PTPN21: variants seen among roughly 807,000 people sequenced by gnomAD.
The protein encoded by PTPN21 is tyrosine-protein phosphatase non-receptor type 21.
Under a neutral mutation model 131.8 loss-of-function variants are expected in PTPN21, and 77 were observed. The observed-to-expected ratio is 0.58, with a 90% CI of 0.49 to 0.71. PTPN21 has a LOEUF of 0.71. Among genes scored for constraint, PTPN21 ranks in the 30% least tolerant of loss-of-function variants. PTPN21 has a pLI of 0.00. For synonymous variants in PTPN21, 715 were observed against 621.3 expected (o/e 1.15, Z -2.24); for missense variants, 1,552 against 1,527.1 (o/e 1.02, Z -0.27).
At chr14:88,549,104 A>C (rs926478337) in intron 2 of PTPN21, among the ~76,000 whole-genome samples, 3 of 152,212 alleles carry the variant, frequency 2.0e-5, no homozygotes, top group Non-Finnish European at 2.9e-5. Context: ...TCTGGCCTGT[A>C]AGAATATAGT....
intron 2 of PTPN21, among the ~76,000 whole-genome samples, chr14:88,549,043 A>G (rs529040264): frequency 6.6e-6 from 1 of 152,352 alleles, no homozygotes; most frequent in African/African-American, 2.4e-5. Context: ...GCAGATGGTG[A>G]GGAAACTAGA....
chr14:88,539,245 G>A (rs960831096), intron 2 of PTPN21, among the ~76,000 whole-genome samples: 2 of 144,284 alleles, frequency 1.4e-5, no homozygotes, highest in Non-Finnish European at 3.0e-5. Context: ...CACCACGCCC[G>A]GTTAATTTTT....
At chr14:88,486,833 G>C (rs1034134044) in intron 10 of PTPN21, among the ~76,000 whole-genome samples, 1 of 151,960 alleles carries the variant, frequency 6.6e-6, no homozygotes, top group African/African-American at 2.4e-5. Context: ...AAAACTAGCT[G>C]GGCATGGTGG....
chr14:88,501,444 A>G (rs2078005958), intron 6 of PTPN21, 76 bp from the exon 7 acceptor site: 7 of 1,224,278 alleles, frequency 5.7e-6, no homozygotes, highest in South Asian at 2.5e-5. Context: ...CTTAAAACCT[A>G]TATGTCAATT....
At chr14:88,547,591 T>C (rs967848391) in intron 2 of PTPN21, 2 of 446,776 alleles carry the variant, frequency 4.5e-6, no homozygotes, top group African/African-American at 2.0e-5. Context: ...TGTTTGAGGA[T>C]GCATTGAGCT....
chr14:88,541,443 C>T (rs2078704202), intron 2 of PTPN21, among the ~76,000 whole-genome samples: 1 of 152,196 alleles, frequency 6.6e-6, no homozygotes, highest in Non-Finnish European at 1.5e-5. Context: ...AAGTGTGTAT[C>T]TGACAAGAAG....
At chr14:88,515,162 G>C (rs2078248139) in intron 3 of PTPN21, 1 of 152,184 alleles carries the variant, frequency 6.6e-6, no homozygotes, top group South Asian at 2.1e-4. Context: ...CTGCAAGGCT[G>C]ACTTCTGAAC....
At chr14:88,533,719 C>CA (rs993469858) in intron 2 of PTPN21, among the ~76,000 whole-genome samples, 14 of 151,780 alleles carry the variant, frequency 9.2e-5, no homozygotes, top group Admixed American at 6.6e-4. Flanking sequence ...CCCATCACAA[C>CA]AAAAAATACA....
chr14:88,548,505 C>T (rs2078814954), intron 2 of PTPN21, among the ~76,000 whole-genome samples: 1 of 152,174 alleles, frequency 6.6e-6, no homozygotes, highest in Non-Finnish European at 1.5e-5. Context: ...TTTGCTGCAC[C>T]TCCCTCTGGC....
chr14:88,541,824 T>C (rs1166350496), intron 2 of PTPN21, among the ~76,000 whole-genome samples: 1 of 152,226 alleles, frequency 6.6e-6, no homozygotes, highest in African/African-American at 2.4e-5. Context: ...TTCACAAATA[T>C]TCCATCCTTC....
At chr14:88,527,487 C>T (rs2078496350) in intron 2 of PTPN21, among the ~76,000 whole-genome samples, 1 of 152,036 alleles carries the variant, frequency 6.6e-6, no homozygotes, top group Admixed American at 6.6e-5. Flanking sequence ...GTCTTTAGCC[C>T]ATGTTTTGAT....
chr14:88,513,914 A>G (rs1002369224), intron 3 of PTPN21: 1 of 152,226 alleles, frequency 6.6e-6, no homozygotes, highest in Non-Finnish European at 1.5e-5. Context: ...TAACAGTTTT[A>G]GTCTGGATGC....
At chr14:88,539,988 G>A (rs1219703572) in intron 2 of PTPN21, among the ~76,000 whole-genome samples, 1 of 152,132 alleles carries the variant, frequency 6.6e-6, no homozygotes, top group African/African-American at 2.4e-5. Context: ...CAAAATACAA[G>A]GGACTGAGAA....
chr14:88,477,770 G>A (rs1376100120), intron 13 of PTPN21, among the ~76,000 whole-genome samples: 1 of 152,110 alleles, frequency 6.6e-6, no homozygotes, highest in Non-Finnish European at 1.5e-5. Flanking sequence ...CATGAGGAGT[G>A]GAGATGTGGG....
chr14:88,524,138 C>T (rs1332930926), intron 2 of PTPN21, among the ~76,000 whole-genome samples: 3 of 152,276 alleles, frequency 2.0e-5, no homozygotes, highest in African/African-American at 7.2e-5. Flanking sequence ...CTCAAATTCA[C>T]ATGGGCCTGC....
intron 2 of PTPN21, among the ~76,000 whole-genome samples, chr14:88,543,745 T>C (rs1230524469): frequency 1.3e-5 from 2 of 152,150 alleles, no homozygotes; most frequent in South Asian, 2.1e-4. Context: ...CCAAAGCCTA[T>C]AATTAAGAAA....
Position 88,479,571 on chromosome 14 carries a change from G to A in PTPN21, c.1860C>T (p.Val620=), listed in dbSNP as rs1189061664. ...GGCGCGCGGCGGTGAGGGGCTCGCT[G>A]ACCTCCTGCAGCGAGTGCGCCACGG... ...SLPVAHSLQE[V]SEPLTAARHA... Residue 620 remains valine, a synonymous_variant, in exon 13 of 19, where the codon GTC becomes GTT. Coordinates refer to ENST00000556564, the MANE Select transcript of PTPN21 (RefSeq NM_007039.4). 6.3e-7 allele frequency: 1 copy of A among 1,597,860 alleles called. No individual in the cohort carries two copies. The highest frequency in any genetic ancestry group is 8.5e-7 in the Non-Finnish European group (1 of 1,178,258).
Position 88,524,176 on chromosome 14 carries a change from C to T in PTPN21, c.181-6915G>A, listed in dbSNP as rs117665228. Among the ~76,000 whole-genome samples the T allele has an allele frequency of 1.4e-3, 217 of 152,180 alleles. 2 individuals are homozygous for T. In the East Asian group the frequency reaches 0.037, roughly 26 times the overall value. On this transcript the variant is annotated intron_variant, in intron 2 of 18. Transcript: ENST00000556564. ...GGGGCTCCAAATAGCCAAAACAATA[C>T]TGAAAAAGAATAACAAAATTGGAGG...
In PTPN21 at chr14:88,468,328, G is replaced by A. The variant is rs140629722; in HGVS notation, c.3397-63C>T. The A allele has an allele frequency of 4.9e-5, 71 of 1,455,510 alleles. No individual in the cohort carries two copies. The East Asian group carries it at 1.4e-3, about 29-fold the overall frequency. 90.2% of individuals were successfully genotyped at this position (1,455,510 alleles called of 1,614,324 possible). A position where few individuals can be genotyped will look rare whatever the true frequency, so the allele number is the denominator to read the frequency against. ...CCCTGGGGAGACAGAAAGGATGGGA[G>A]GACACGAGTGTCCTGGCAGAAACCT... On this transcript the variant is annotated intron_variant, in intron 18 of 18. Transcript: ENST00000556564.
Sources: gnomAD v4.1 joint callset for allele counts (sites outside exome capture counted in the v4.1 genomes callset) on GRCh38, gnomAD v4.1.1 for gene constraint, MANE v1.5 for transcripts, NCBI Gene and HGNC (gene_info 2026-07-23, HGNC 2026-07-21) for gene names.